NDUFAF2: variants seen among roughly 807,000 people sequenced by gnomAD.
The protein encoded by NDUFAF2 is NADH:ubiquinone oxidoreductase complex assembly factor 2.
In NDUFAF2, 13 loss-of-function variants were observed where a neutral mutation model predicts 22.8. The observed-to-expected ratio is 0.57, with a 90% CI of 0.37 to 0.91. The LOEUF is 0.91. NDUFAF2 is among the 40% of genes least tolerant of loss of function. The pLI is 0.01. For synonymous variants in NDUFAF2, 53 were observed against 64.2 expected, an observed-to-expected ratio of 0.83 and a Z score of 0.84; for missense variants, 162 against 195.2, an observed-to-expected ratio of 0.83 and a Z score of 1.01.
intron 1 of NDUFAF2, among the ~76,000 whole-genome samples, chr5:61,011,200 C>T (rs1446429596): frequency 6.6e-6 from 1 of 152,076 alleles, no homozygotes; most frequent in African/African-American, 2.4e-5. Flanking sequence ...CCTGTGTTTT[C>T]GTAATTCTGT....
intron 1 of NDUFAF2, among the ~76,000 whole-genome samples, chr5:61,058,205 A>G (rs1164613829): frequency 6.6e-6 from 1 of 152,100 alleles, no homozygotes; most frequent in Non-Finnish European, 1.5e-5. Flanking sequence ...GCTTGGCCCA[A>G]GCTTTTCACA....
At chr5:60,999,208 A>G (rs1751265098) in intron 1 of NDUFAF2, among the ~76,000 whole-genome samples, 1 of 152,034 alleles carries the variant, frequency 6.6e-6, no homozygotes, top group Admixed American at 6.6e-5. Flanking sequence ...GGGAACTAGC[A>G]ATTCCACTCC....
chr5:61,112,404 G>A (rs1023336821), intron 3 of NDUFAF2, among the ~76,000 whole-genome samples: 4 of 151,826 alleles, frequency 2.6e-5, no homozygotes, highest in African/African-American at 9.7e-5. Flanking sequence ...AGTAGAGATG[G>A]TGTTTCACCA....
chr5:61,044,915 G>A (rs1751927834), intron 1 of NDUFAF2, among the ~76,000 whole-genome samples: 2 of 151,794 alleles, frequency 1.3e-5, no homozygotes, highest in Middle Eastern at 3.4e-3. Flanking sequence ...GCTTTGGGGA[G>A]TATGGACATG....
chr5:60,951,950 T>C (rs7704436), intron 1 of NDUFAF2, among the ~76,000 whole-genome samples: 9,643 of 151,436 alleles, frequency 0.064, 1,020 homozygotes, highest in African/African-American at 0.22. Flanking sequence ...TGAGTTTTGG[T>C]AGTTTTTATC....
At chr5:61,009,310 C>G (rs1037708157) in intron 1 of NDUFAF2, among the ~76,000 whole-genome samples, 1 of 151,934 alleles carries the variant, frequency 6.6e-6, no homozygotes, top group African/African-American at 2.4e-5. Context: ...ATTTAATTTG[C>G]TATTGTGCAC....
chr5:61,141,125 G>A (rs1741049227), intron 3 of NDUFAF2, among the ~76,000 whole-genome samples: 1 of 152,024 alleles, frequency 6.6e-6, no homozygotes, highest in Admixed American at 6.6e-5. Flanking sequence ...TACTCTGAAG[G>A]CTGAGGCAGG....
rs768889484 is a variant in NDUFAF2 at position 61,035,424 on chromosome 5, G to GTTTTTTTTTTTTT, written c.128-37685_128-37673dup. Among the ~76,000 whole-genome samples the GTTTTTTTTTTTTT allele has an allele frequency of 2.5e-4, 10 of 40,522 alleles. 1 individual carries two copies. The highest frequency in any genetic ancestry group is 6.0e-4 in the African/African-American group (6 of 9,988). 26.6% of individuals were successfully genotyped at this position (40,522 alleles called of 152,430 possible). ...GACAACTCTCTTTCTCTCTTGCTCT[G>GTTTTTTTTTTTTT]TTTTTTTTTTTTTTTTTTTTTTTTT... On this transcript the variant is annotated intron_variant, in intron 1 of 3. Transcript: ENST00000296597.
In NDUFAF2 at chr5:61,152,958, G is replaced by C. The variant is rs1741267592; in HGVS notation, c.*3G>C. On this transcript the variant is annotated 3_prime_UTR_variant, in exon 4 of 4. Coordinates refer to ENST00000296597, the MANE Select transcript of NDUFAF2 (RefSeq NM_174889.5). ...ATGGCAAGAGCCACAATCAATGAATGCATTATGGTCAAATCTTTTCATGTA... is the reference window on the plus strand; with the variant it reads ...ATGGCAAGAGCCACAATCAATGAATCCATTATGGTCAAATCTTTTCATGTA... 1 of 1,613,722 alleles carries C rather than the reference G, an allele frequency of 6.2e-7. No individual in the cohort carries two copies.
At chr5:61,044,129 C>T (rs140454663) in intron 1 of NDUFAF2, among the ~76,000 whole-genome samples, 36 of 151,926 alleles carry the variant, frequency 2.4e-4, no homozygotes, top group Middle Eastern at 3.4e-3. Flanking sequence ...GTTTCATATA[C>T]CTGTTGGCCG....
At chr5:61,081,699 C>G (rs1752445505) in intron 2 of NDUFAF2, among the ~76,000 whole-genome samples, 1 of 152,182 alleles carries the variant, frequency 6.6e-6, no homozygotes. Flanking sequence ...CAATCCAGGA[C>G]TTTCCAAAGT....
intron 1 of NDUFAF2, among the ~76,000 whole-genome samples, chr5:61,005,064 T>G (rs1751348169): frequency 6.6e-6 from 1 of 152,082 alleles, no homozygotes; most frequent in African/African-American, 2.4e-5. Flanking sequence ...ATTAGGTAAT[T>G]CTCCTAATGC....
intron 1 of NDUFAF2, among the ~76,000 whole-genome samples, chr5:60,969,283 T>C (rs1312579462): frequency 6.6e-6 from 1 of 152,096 alleles, no homozygotes; most frequent in Non-Finnish European, 1.5e-5. Flanking sequence ...CTGAGGAAAC[T>C]CCAAACTGTT....
At chr5:61,070,651 G>A (rs1286242248) in intron 1 of NDUFAF2, among the ~76,000 whole-genome samples, 2 of 148,358 alleles carry the variant, frequency 1.3e-5, no homozygotes, top group Admixed American at 1.3e-4. Flanking sequence ...ACACAAATAG[G>A]CATAACTTTT....
intron 1 of NDUFAF2, among the ~76,000 whole-genome samples, chr5:60,962,124 A>G (rs1008710593): frequency 2.6e-5 from 4 of 152,070 alleles, no homozygotes; most frequent in African/African-American, 9.7e-5. Flanking sequence ...TGATTACCAC[A>G]ATCAAGCTTA....
Position 61,073,196 on chromosome 5 carries a change from A to G in NDUFAF2, c.199A>G (p.Ile67Val). 6.2e-7 allele frequency: 1 copy of G among 1,612,184 alleles called. No homozygotes were observed. Among genetic ancestry groups the G allele is most frequent in the Non-Finnish European group, 8.5e-7 (1 of 1,178,394 alleles). The change falls in exon 2 of 4, where the codon ATT (isoleucine) becomes GTT (valine). Residue 67 changes from isoleucine to valine, a missense_variant. Coordinates refer to ENST00000296597, the MANE Select transcript of NDUFAF2 (RefSeq NM_174889.5). Reference protein sequence around the residue: ...KKEVDYEAGDIPTEWEAWIRR... With the variant: ...KKEVDYEAGDVPTEWEAWIRR... Reference sequence around the variant, plus strand: ...AGAAGTAGACTATGAAGCAGGGGATATTCCAACAGAATGGGAAGGTAAGTT... The same window carrying G: ...AGAAGTAGACTATGAAGCAGGGGATGTTCCAACAGAATGGGAAGGTAAGTT...
intron 1 of NDUFAF2, among the ~76,000 whole-genome samples, chr5:61,015,112 G>A (rs904984689): frequency 3.3e-5 from 5 of 152,058 alleles, no homozygotes; most frequent in African/African-American, 9.7e-5. Flanking sequence ...CATTGGCTTC[G>A]TTTTGAAGTA....
chr5:61,111,214 G>A (rs1752836519), intron 3 of NDUFAF2, among the ~76,000 whole-genome samples: 1 of 152,186 alleles, frequency 6.6e-6, no homozygotes, highest in South Asian at 2.1e-4. Context: ...ATTTTTAAGA[G>A]CTGTTTTGTG....
intron 1 of NDUFAF2, among the ~76,000 whole-genome samples, chr5:60,994,738 G>C (rs559870968): frequency 6.6e-6 from 1 of 152,176 alleles, no homozygotes; most frequent in South Asian, 2.1e-4. Flanking sequence ...CCTTTCTCTA[G>C]GTTTGAGTAG....
Sources: gnomAD v4.1 joint callset for allele counts (sites outside exome capture counted in the v4.1 genomes callset) on GRCh38, gnomAD v4.1.1 for gene constraint, MANE v1.5 for transcripts, NCBI Gene and HGNC (gene_info 2026-07-23, HGNC 2026-07-21) for gene names.